Variants in SCN2A observed in about 807,000 individuals in gnomAD.
SCN2A encodes the protein sodium voltage-gated channel alpha subunit 2, also known as sodium channel protein type 2 subunit alpha.
SCN2A carries 20 observed loss-of-function variants against 188.7 expected under a neutral mutation model. The observed-to-expected ratio is 0.11, with a 90% CI of 0.07 to 0.15. The LOEUF is 0.15. Ranked by LOEUF, SCN2A falls within the 10% of genes least tolerant of loss-of-function variation. The probability of loss-of-function intolerance (pLI) is 1.00; values close to 1 mark genes in which losing one functional copy is unlikely to be tolerated. For synonymous variants in SCN2A, 804 were observed against 833.1 expected, an observed-to-expected ratio of 0.97 and a Z score of 0.60; for missense variants, 1,278 against 2,445.0, an observed-to-expected ratio of 0.52 and a Z score of 10.07.
chr2:165,373,181 T>C (rs756390715), intron 20 of SCN2A, 44 bp from the exon 21 acceptor site: 1 of 1,604,838 alleles, frequency 6.2e-7, no homozygotes, highest in Non-Finnish European at 8.5e-7. Flanking sequence ...TGTGTAGACA[T>C]TTTTATATGT....
intron 1 of SCN2A, among the ~76,000 whole-genome samples, chr2:165,244,185 T>C (rs1487766001): frequency 6.6e-6 from 1 of 151,988 alleles, no homozygotes; most frequent in Non-Finnish European, 1.5e-5. Flanking sequence ...GAGGTTGCAG[T>C]GGACTGAGAT....
At position 165,313,997 on chromosome 2, in the gene SCN2A, G is replaced by A. The variant is rs760738816; in HGVS notation, c.1272G>A (p.Val424=). ...TAATAAATTTGATCTTGGCTGTGGTGGCCATGGCCTATGAGGAACAGAATC... is the reference window on the plus strand; with the variant it reads ...TAATAAATTTGATCTTGGCTGTGGTAGCCATGGCCTATGAGGAACAGAATC... The part of the protein sequence containing the change: ...FYLINLILAV[V]AMAYEEQNQA... The change falls in exon 10 of 27, where the codon GTG becomes GTA. Residue 424 remains valine, a synonymous_variant. Coordinates refer to ENST00000375437, the MANE Select transcript of SCN2A (RefSeq NM_001040142.2). The A allele has an allele frequency of 6.2e-7, 1 of 1,613,730 alleles. No homozygotes were observed. Among genetic ancestry groups the A allele is most frequent in the Non-Finnish European group, 8.5e-7 (1 of 1,179,832 alleles).
At chr2:165,296,483 T>C (rs1363480451) in intron 2 of SCN2A, 3 of 250,682 alleles carry the variant, frequency 1.2e-5, no homozygotes, top group Admixed American at 1.0e-4. Context: ...GAGTAGTATC[T>C]AAATTCCTCT....
At chr2:165,241,017 A>G (rs974961518) in intron 1 of SCN2A, 3 of 152,152 alleles carry the variant, frequency 2.0e-5, no homozygotes, top group Non-Finnish European at 4.4e-5. Context: ...CTAAATTACA[A>G]TAAGGCAAGG....
chr2:165,254,105 A>G (rs942108817), intron 1 of SCN2A, among the ~76,000 whole-genome samples: 13 of 151,836 alleles, frequency 8.6e-5, no homozygotes, highest in African/African-American at 3.1e-4. Flanking sequence ...TTGATTTGAG[A>G]CAGATCAACT....
chr2:165,324,411 G>A (rs1698244451), intron 12 of SCN2A, among the ~76,000 whole-genome samples: 1 of 152,070 alleles, frequency 6.6e-6, no homozygotes, highest in African/African-American at 2.4e-5. Context: ...TTCGTTTTCA[G>A]TTACCTAATG....
At chr2:165,247,775 C>T (rs570999155) in intron 1 of SCN2A, among the ~76,000 whole-genome samples, 1 of 152,258 alleles carries the variant, frequency 6.6e-6, no homozygotes, top group African/African-American at 2.4e-5. Context: ...TATTTACCTC[C>T]AGTTTTCTGC....
At chr2:165,369,429 A>G (rs556834686) in intron 19 of SCN2A, among the ~76,000 whole-genome samples, 9 of 152,196 alleles carry the variant, frequency 5.9e-5, no homozygotes, top group South Asian at 2.1e-4. Context: ...AGGTCCTTGT[A>G]TGGAGCTCTG....
At chr2:165,291,442 C>CTTTCTT (rs1365897301) in intron 1 of SCN2A, among the ~76,000 whole-genome samples, 1 of 23,690 alleles carries the variant, frequency 4.2e-5, no homozygotes, top group African/African-American at 1.3e-4. Context: ...CTTTCTCTTT[C>CTTTCTT]TTTCTTTCTT....
intron 11 of SCN2A, among the ~76,000 whole-genome samples, chr2:165,319,834 A>G (rs1429482718): frequency 1.3e-5 from 2 of 152,206 alleles, no homozygotes; most frequent in Non-Finnish European, 2.9e-5. Context: ...TATGGGAAAT[A>G]TAACTCAAGA....
chr2:165,317,571 T>G (rs139013971), intron 11 of SCN2A, among the ~76,000 whole-genome samples: 66 of 152,262 alleles, frequency 4.3e-4, no homozygotes, highest in African/African-American at 1.5e-3. Context: ...TTCTCTTCAA[T>G]TTGCCTTATT....
intron 3 of SCN2A, among the ~76,000 whole-genome samples, chr2:165,299,622 A>C (rs1447927825): frequency 2.0e-5 from 3 of 152,236 alleles, no homozygotes; most frequent in African/African-American, 7.2e-5. Context: ...CAATTGATCA[A>C]ATAGCCCAGT....
At chr2:165,334,059 G>T (rs1200956745) in intron 14 of SCN2A, among the ~76,000 whole-genome samples, 1 of 149,542 alleles carries the variant, frequency 6.7e-6, no homozygotes, top group Non-Finnish European at 1.5e-5. Flanking sequence ...GCCTGAAACT[G>T]ACTCAAGAAG....
At chr2:165,296,523 T>C (rs1412109770) in intron 2 of SCN2A, 1 of 208,112 alleles carries the variant, frequency 4.8e-6, no homozygotes, top group Non-Finnish European at 9.8e-6. Context: ...ATAAGTCACT[T>C]TGATCTTCAG....
Position 165,310,518 on chromosome 2 carries a change from A to G in SCN2A, c.893A>G (p.Asn298Ser), listed in dbSNP as rs963798143. The G allele has an allele frequency of 1.9e-6, 3 of 1,613,206 alleles. No homozygotes were observed. The highest frequency in any genetic ancestry group is 2.2e-5 in the East Asian group (1 of 44,872). The change falls in exon 7 of 27, where the codon AAT becomes AGT. Residue 298 changes from asparagine (N) to serine (S), a missense_variant. By Grantham distance (46) the Asn-to-Ser change is conservative. This residue lies in a region of SCN2A where 45 missense variants were observed against 58.1 expected (regional missense o/e 0.77). Coordinates refer to ENST00000375437, the MANE Select transcript of SCN2A (RefSeq NM_001040142.2). ...ATAAATATCACTTCCTTCTTTAACA[A>G]TTCATTGGATGGGAATGGTACTACT... ...FEINITSFFN[N>S]SLDGNGTTFN...
At chr2:165,367,723 C>A (rs980684566) in intron 19 of SCN2A, among the ~76,000 whole-genome samples, 1 of 152,222 alleles carries the variant, frequency 6.6e-6, no homozygotes, top group African/African-American at 2.4e-5. Context: ...TCCCTGACCC[C>A]TTTGCAGGTG....
intron 1 of SCN2A, chr2:165,285,430 G>A (rs1024025528): frequency 6.1e-6 from 1 of 165,204 alleles, no homozygotes; most frequent in Admixed American, 6.2e-5. Context: ...TTGCCTTGAA[G>A]AAGGTGAAAT....
At position 165,381,217 on chromosome 2, in the gene SCN2A, A is replaced by T; in HGVS notation, c.4551+20A>T. On this transcript the variant is annotated intron_variant, in intron 25 of 26. Coordinates refer to ENST00000375437, the MANE Select transcript of SCN2A (RefSeq NM_001040142.2). ...CCTGCTGTAAGAATAACATATTTTCATTGCCTGTTAAAACTATATTACCTA... is the reference window on the plus strand; with the variant it reads ...CCTGCTGTAAGAATAACATATTTTCTTTGCCTGTTAAAACTATATTACCTA... 1 of 1,494,700 alleles carries T rather than the reference A, an allele frequency of 6.7e-7. No homozygotes were observed. Among genetic ancestry groups the T allele is most frequent in the South Asian group, 1.2e-5 (1 of 83,816 alleles). 92.6% of individuals were successfully genotyped at this position (1,494,700 alleles called of 1,614,324 possible).
intron 11 of SCN2A, among the ~76,000 whole-genome samples, chr2:165,320,921 C>A (rs961366688): frequency 1.3e-5 from 2 of 152,198 alleles, no homozygotes; most frequent in African/African-American, 4.8e-5. Flanking sequence ...CTCCTCATTA[C>A]TTATGCAAAT....
Sources: allele counts gnomAD v4.1 joint callset (sites outside exome capture counted in the v4.1 genomes callset), GRCh38; gene constraint gnomAD v4.1.1; regional missense constraint gnomAD v4.1.1; transcripts MANE v1.5; gene names NCBI Gene and HGNC (gene_info 2026-07-23, HGNC 2026-07-21).